MGMT: variants seen among roughly 807,000 people sequenced by gnomAD.
The protein encoded by MGMT is O-6-methylguanine-DNA methyltransferase, also known as methylated-DNA--protein-cysteine methyltransferase.
A neutral mutation model predicts 15.9 loss-of-function variants in MGMT; 14 were observed. The ratio of observed to expected loss-of-function variants is 0.88; its 90% CI spans 0.58 to 1.37. The LOEUF (loss-of-function observed/expected upper bound fraction) is 1.37. Ranked by LOEUF, MGMT falls within the 40% of genes most tolerant of loss-of-function variation. The probability of loss-of-function intolerance (pLI) is 0.00; values close to 1 mark genes in which losing one functional copy is unlikely to be tolerated. For synonymous variants in MGMT, 130 were observed against 118.2 expected (o/e 1.10, Z -0.65); for missense variants, 282 against 268.1 (o/e 1.05, Z -0.36).
Position 129,659,679 on chromosome 10 carries a change from C to T in MGMT, c.126-48216C>T, listed in dbSNP as rs993091441. On this transcript the variant is annotated intron_variant, in intron 2 of 4. Coordinates refer to ENST00000651593, the MANE Select transcript of MGMT (RefSeq NM_002412.5). The surrounding 1 kb of genome is among the most constrained non-coding windows in gnomAD (Gnocchi z 4.1). ...TGAAATTTTGAAGAGCAGTTTAGCC[C>T]GAAAATATTCCATGAGTAGCTGCCA... is the stretch of plus-strand genomic sequence containing the variant. Among the ~76,000 whole-genome samples, 6 of 152,124 alleles carry T rather than the reference C, an allele frequency of 3.9e-5. No homozygotes were observed. Among genetic ancestry groups the T allele is most frequent in the Admixed American group, 1.3e-4 (2 of 15,274 alleles).
intron 3 of MGMT, among the ~76,000 whole-genome samples, chr10:129,754,677 G>A (rs1246564970): frequency 3.9e-5 from 6 of 152,222 alleles, no homozygotes; most frequent in Admixed American, 6.5e-5. Flanking sequence ...AGAGCATGAC[G>A]CCGGCATCTG....
chr10:129,528,147 A>G (rs969330392), intron 1 of MGMT, among the ~76,000 whole-genome samples: 2 of 152,180 alleles, frequency 1.3e-5, no homozygotes. Flanking sequence ...TTTGCTGAGA[A>G]ATCGTGGGTG....
At chr10:129,725,574 G>A (rs759650972) in intron 3 of MGMT, among the ~76,000 whole-genome samples, 2 of 152,228 alleles carry the variant, frequency 1.3e-5, no homozygotes, top group African/African-American at 4.8e-5. Flanking sequence ...TTGAGTTTGT[G>A]CACATGGCAT....
At chr10:129,637,984 C>T (rs1411371867) in intron 2 of MGMT, among the ~76,000 whole-genome samples, 1 of 152,198 alleles carries the variant, frequency 6.6e-6, no homozygotes, top group Non-Finnish European at 1.5e-5. Context: ...GCCAGCCTTG[C>T]ACTCGCGGGA....
At chr10:129,529,405 C>G (rs1462282619) in intron 1 of MGMT, among the ~76,000 whole-genome samples, 1 of 152,090 alleles carries the variant, frequency 6.6e-6, no homozygotes, top group East Asian at 1.9e-4. Flanking sequence ...TAAGAAGCGT[C>G]CAGCCTAGAT....
At chr10:129,746,979 G>A (rs568744002) in intron 3 of MGMT, among the ~76,000 whole-genome samples, 28 of 152,222 alleles carry the variant, frequency 1.8e-4, no homozygotes, top group African/African-American at 6.3e-4. Flanking sequence ...TGTCTCCTCA[G>A]TTATTCAGAC....
intron 2 of MGMT, among the ~76,000 whole-genome samples, chr10:129,628,654 G>A (rs1847177733): frequency 6.6e-6 from 1 of 152,218 alleles, no homozygotes; most frequent in Non-Finnish European, 1.5e-5. Flanking sequence ...AGTTCGTGTC[G>A]ATGAAGGAGG....
At chr10:129,650,651 C>T (rs1847446666) in intron 2 of MGMT, among the ~76,000 whole-genome samples, 1 of 152,180 alleles carries the variant, frequency 6.6e-6, no homozygotes, top group African/African-American at 2.4e-5. Context: ...GCTGTGTAAT[C>T]GCCACCTCTG....
Position 129,707,997 on chromosome 10 carries a change from CGAA to C in MGMT, c.231_233del (p.Glu78del). 6.2e-7 allele frequency: 1 copy of C among 1,613,802 alleles called. No individual in the cohort carries two copies. The highest frequency in any genetic ancestry group is 8.5e-7 in the Non-Finnish European group (1 of 1,179,988). On this transcript the variant is annotated inframe_deletion, in exon 3 of 5. Transcript: ENST00000651593. ...CCTATTTCCACCAGCCCGAGGCTAT[CGAA>C]GAGTTCCCCGTGCCGGCTCTTCACC...
intron 3 of MGMT, among the ~76,000 whole-genome samples, chr10:129,751,163 G>T (rs999394843): frequency 4.6e-5 from 7 of 151,944 alleles, no homozygotes; most frequent in Non-Finnish European, 8.8e-5. Flanking sequence ...AAACCATCTT[G>T]GCCCTAGAGG....
intron 2 of MGMT, among the ~76,000 whole-genome samples, chr10:129,550,785 G>T (rs189339700): frequency 6.6e-6 from 1 of 152,098 alleles, no homozygotes; most frequent in Non-Finnish European, 1.5e-5. Context: ...ACTGAAACCC[G>T]TACCCATTAA....
intron 3 of MGMT, among the ~76,000 whole-genome samples, chr10:129,710,308 A>G (rs1848217033): frequency 6.6e-6 from 1 of 152,188 alleles, no homozygotes; most frequent in Non-Finnish European, 1.5e-5. Context: ...ACTCCAGCCA[A>G]GTTTTGGGAT....
chr10:129,729,896 C>T (rs1848476509), intron 3 of MGMT, among the ~76,000 whole-genome samples: 1 of 152,208 alleles, frequency 6.6e-6, no homozygotes, highest in African/African-American at 2.4e-5. Flanking sequence ...CAGTCAGACC[C>T]ACCCACCCCC....
intron 3 of MGMT, among the ~76,000 whole-genome samples, chr10:129,718,994 G>A (rs545006205): frequency 4.6e-5 from 7 of 151,510 alleles, no homozygotes; most frequent in South Asian, 2.1e-4. Flanking sequence ...CCATGTGCCC[G>A]CTCAGGTATG....
intron 2 of MGMT, among the ~76,000 whole-genome samples, chr10:129,606,137 G>A (rs549102250): frequency 2.0e-5 from 3 of 152,272 alleles, no homozygotes; most frequent in Non-Finnish European, 4.4e-5. Context: ...ATGTGCAGGC[G>A]AAGATTACCA....
intron 2 of MGMT, among the ~76,000 whole-genome samples, chr10:129,612,849 C>T (rs1846977658): frequency 6.6e-6 from 1 of 152,230 alleles, no homozygotes; most frequent in South Asian, 2.1e-4. Context: ...GGCTCTGCCT[C>T]TTCCGTCCCC....
chr10:129,607,572 T>A (rs960119555), intron 2 of MGMT, among the ~76,000 whole-genome samples: 2 of 152,204 alleles, frequency 1.3e-5, no homozygotes, highest in African/African-American at 4.8e-5. Context: ...TCTGCCCTTT[T>A]AAAGGGTCCT....
intron 2 of MGMT, among the ~76,000 whole-genome samples, chr10:129,656,526 G>A (rs7079744): frequency 0.45 from 69,179 of 152,088 alleles, 16,052 homozygotes; most frequent in African/African-American, 0.53. Flanking sequence ...AAGGACATGC[G>A]CCTGTGACCC....
At chr10:129,545,528 T>C (rs1057088909) in intron 2 of MGMT, among the ~76,000 whole-genome samples, 2 of 152,158 alleles carry the variant, frequency 1.3e-5, no homozygotes, top group Non-Finnish European at 1.5e-5. Context: ...TGATGTGCTG[T>C]TTTAGAGGAG....
Sources: allele counts gnomAD v4.1 joint callset (sites outside exome capture counted in the v4.1 genomes callset), GRCh38; gene constraint gnomAD v4.1.1; non-coding constraint Gnocchi (gnomAD v3.1); transcripts MANE v1.5; gene names NCBI Gene and HGNC (gene_info 2026-07-23, HGNC 2026-07-21).